The following DARS2 variants were observed in gnomAD, a reference collection of about 807,000 sequenced individuals.
DARS2 encodes aspartate--tRNA ligase, mitochondrial.
DARS2 carries 63 observed loss-of-function variants against 83.0 expected under a neutral mutation model. That is an observed-to-expected ratio of 0.76 (90% CI 0.62 to 0.94). DARS2 has a LOEUF of 0.94. Ranked by LOEUF, DARS2 falls within the 40% of genes least tolerant of loss-of-function variation. The pLI is 0.00. For synonymous variants in DARS2, 250 were observed against 269.3 expected (o/e 0.93, Z 0.70); for missense variants, 675 against 774.4 (o/e 0.87, Z 1.52).
chr1:173,847,944 C>T (rs1039742104), intron 12 of DARS2, among the ~76,000 whole-genome samples: 2 of 151,280 alleles, frequency 1.3e-5, no homozygotes, highest in Non-Finnish European at 2.9e-5. Context: ...GCTCCGCCTC[C>T]CAGGTTCACG....
chr1:173,853,775 A>C lies in DARS2; in HGVS notation c.1564-20A>C, dbSNP rs778077469. The C allele has an allele frequency of 1.9e-6, 3 of 1,603,614 alleles. No individual in the cohort carries two copies. In the Admixed American group the frequency reaches 5.0e-5, roughly 27 times the overall value. ...AAACCAGACATTTTCTCTAACATAA[A>C]GTATCTGTGAATCTTCTAGGCCCGT... is the stretch of plus-strand genomic sequence containing the variant. On this transcript the variant is annotated intron_variant, in intron 14 of 16. Transcript: ENST00000649689.
In DARS2 at chr1:173,851,787, A is replaced by G. The variant is rs1653678889; in HGVS notation, c.1344+1308A>G. The G allele has an allele frequency of 4.1e-6, 4 of 970,230 alleles. No individual in the cohort carries two copies. The South Asian group carries it at 1.9e-4, about 46-fold the overall frequency. The allele number at this position is 970,230 out of a possible 1,614,324, so 60.1% of individuals were successfully genotyped here. On this transcript the variant is annotated intron_variant, in intron 13 of 16. Transcript: ENST00000649689. ...AGTGTGTCTAACTAGTACTTCATCA[A>G]GTTCTTTCTTCTAATCTATATTTTC... is the stretch of plus-strand genomic sequence containing the variant.
chr1:173,828,264 T>A (rs1652659964), intron 2 of DARS2, 69 bp from the exon 3 acceptor site: 1 of 1,476,376 alleles, frequency 6.8e-7, no homozygotes, highest in Non-Finnish European at 9.4e-7. Context: ...CTTTTTATTT[T>A]GTATGCTTCA....
At chr1:173,827,559 A>G (rs1652631342) in intron 2 of DARS2, among the ~76,000 whole-genome samples, 1 of 152,128 alleles carries the variant, frequency 6.6e-6, no homozygotes, top group South Asian at 2.1e-4. Context: ...TGAACCCAGA[A>G]GGCAGAGGTT....
intron 11 of DARS2, among the ~76,000 whole-genome samples, chr1:173,841,507 T>C (rs996674928): frequency 6.6e-6 from 1 of 152,076 alleles, no homozygotes; most frequent in Non-Finnish European, 1.5e-5. Context: ...TTCTTTTTTT[T>C]CCCCCCTTTT....
chr1:173,857,700 C>T lies in DARS2; in HGVS notation c.1933C>T (p.His645Tyr), dbSNP rs1275809192. ...KPTDSKAERAH is the reference protein window; with the variant it reads ...KPTDSKAERAY The stretch of plus-strand genomic sequence containing the variant: ...AACAGACTCCAAAGCAGAAAGAGCT[C>T]ATTGAATCATGCATACCATGCAGAA... The change falls in exon 17 of 17, where the codon CAT (histidine) becomes TAT (tyrosine). Residue 645 changes from histidine (H) to tyrosine (Y), a missense_variant. By Grantham distance (83) the His-to-Tyr change is moderately conservative. Transcript: ENST00000649689. 1.2e-6 allele frequency: 2 copies of T among 1,614,000 alleles called. No individual in the cohort carries two copies. Among genetic ancestry groups the T allele is most frequent in the Non-Finnish European group, 1.7e-6 (2 of 1,180,006 alleles).
chr1:173,830,838 CAT>C, intron 4 of DARS2, 77 bp downstream of exon 4: 3 of 1,035,116 alleles, frequency 2.9e-6, no homozygotes, highest in Non-Finnish European at 4.6e-6. Flanking sequence ...TCTGGCAACA[CAT>C]GACTGGACAT....
At chr1:173,848,014 G>A (rs529424928) in intron 12 of DARS2, among the ~76,000 whole-genome samples, 6 of 152,004 alleles carry the variant, frequency 3.9e-5, no homozygotes, top group African/African-American at 1.4e-4. Flanking sequence ...GACCACGCCC[G>A]GCTAATTTTT....
chr1:173,840,723 C>T lies in DARS2; in HGVS notation c.1021-143C>T, dbSNP rs192923257. 2,094 of 650,424 alleles carry T rather than the reference C, an allele frequency of 3.2e-3. 11 individuals carry two copies. Among genetic ancestry groups the T allele is most frequent in the Non-Finnish European group, 5.0e-3 (1,832 of 363,636 alleles). The allele number at this position is 650,424 out of a possible 1,614,324, so 40.3% of individuals were successfully genotyped here. On this transcript the variant is annotated intron_variant, in intron 10 of 16. Transcript: ENST00000649689. ...GTAAAACACTGGTCATATTGCTTAA[C>T]CCATGGTAAACACTCTTTGAATGTA...
Position 173,838,232 on chromosome 1 carries a change from A to C in DARS2, c.813A>C (p.Arg271Ser). 1 of 1,613,764 alleles carries C rather than the reference A, an allele frequency of 6.2e-7. No individual in the cohort carries two copies. Among genetic ancestry groups the C allele is most frequent in the South Asian group, 1.1e-5 (1 of 91,078 alleles). Residue 271 changes from arginine to serine, a missense_variant, in exon 9 of 17, where the codon AGA (arginine) becomes AGC (serine). By Grantham distance (110) the Arg-to-Ser change is moderately radical (BLOSUM62 -1). Coordinates refer to ENST00000649689, the MANE Select transcript of DARS2 (RefSeq NM_018122.5). ...GATGTTATCGAGATGAAGGTTCAAG[A>C]CCAGACAGACAGCCTGAGTTTACTC... Reference protein sequence around the residue: ...VARCYRDEGSRPDRQPEFTQI... With the variant: ...VARCYRDEGSSPDRQPEFTQI...
intron 12 of DARS2, among the ~76,000 whole-genome samples, chr1:173,850,106 C>T (rs535509024): frequency 6.6e-6 from 1 of 151,866 alleles, no homozygotes; most frequent in Admixed American, 6.6e-5. Flanking sequence ...CCCACCTCAG[C>T]CTCCCAAAGT....
rs1400745895 is a variant in DARS2, at chr1:173,857,501, T to C, written c.1751-17T>C. The C allele has an allele frequency of 6.2e-7, 1 of 1,611,046 alleles. No individual in the cohort carries two copies. Among genetic ancestry groups the C allele is most frequent in the African/African-American group, 1.3e-5 (1 of 74,878 alleles). On this transcript the variant is annotated splice_polypyrimidine_tract_variant and intron_variant, in intron 16 of 16. Coordinates refer to ENST00000649689, the MANE Select transcript of DARS2 (RefSeq NM_018122.5). ...AGATTACATTTCTCATCTGTTATCT[T>C]TGTATTTTACTCACAGGGTTAGACA...
At chr1:173,827,391 A>G (rs1652621540) in intron 2 of DARS2, among the ~76,000 whole-genome samples, 2 of 152,166 alleles carry the variant, frequency 1.3e-5, no homozygotes, top group African/African-American at 4.8e-5. Flanking sequence ...GCACTTTGGG[A>G]GGCCGAGGCG....
At chr1:173,834,744 T>TCA (rs60713728) in intron 7 of DARS2, among the ~76,000 whole-genome samples, 58 of 127,758 alleles carry the variant, frequency 4.5e-4, no homozygotes, top group African/African-American at 2.0e-3. Flanking sequence ...TTTTTTTTTT[T>TCA]TTTTTTTTTT....
chr1:173,838,817 C>T (rs1653103471), intron 9 of DARS2, among the ~76,000 whole-genome samples: 1 of 152,060 alleles, frequency 6.6e-6, no homozygotes, highest in South Asian at 2.1e-4. Context: ...CTCATTGCTG[C>T]CTCTGCCTCT....
In DARS2 at chr1:173,834,533, T is replaced by C. The variant is rs1652905489; in HGVS notation, c.663+14T>C. On this transcript the variant is annotated intron_variant, in intron 7 of 16. Coordinates refer to ENST00000649689, the MANE Select transcript of DARS2 (RefSeq NM_018122.5). Reference sequence around the variant, plus strand: ...AGGACCCCAGGGGTATGTATATTCCTTCAATCAGTCTATTAATAATGTCCT... The same window carrying C: ...AGGACCCCAGGGGTATGTATATTCCCTCAATCAGTCTATTAATAATGTCCT... 2 of 1,585,340 alleles carry C rather than the reference T, an allele frequency of 1.3e-6. No homozygotes were observed. The highest frequency in any genetic ancestry group is 1.3e-5 in the African/African-American group (1 of 74,362).
At chr1:173,829,913 A>C (rs1652731370) in intron 3 of DARS2, among the ~76,000 whole-genome samples, 2 of 151,832 alleles carry the variant, frequency 1.3e-5, no homozygotes, top group South Asian at 4.2e-4. Context: ...ATCTCAAAAA[A>C]ATAATAATAA....
In DARS2 at chr1:173,853,415, C is replaced by T; in HGVS notation, c.1411C>T (p.Arg471Cys). ...DLLETRGVVL[R>C]DPTLFSFLWV... ...TCTAGAAACAAGAGGAGTGGTGCTCCGTGACCCCACTCTGTTCTCTTTCCT... is the reference window on the plus strand; with the variant it reads ...TCTAGAAACAAGAGGAGTGGTGCTCTGTGACCCCACTCTGTTCTCTTTCCT... Residue 471 changes from arginine to cysteine, a missense_variant, in exon 14 of 17, where the codon CGT becomes TGT. Coordinates refer to ENST00000649689, the MANE Select transcript of DARS2 (RefSeq NM_018122.5). 7 of 1,614,002 alleles carry T rather than the reference C, an allele frequency of 4.3e-6. No homozygotes were observed. Among genetic ancestry groups the T allele is most frequent in the South Asian group, 1.1e-5 (1 of 91,074 alleles).
chr1:173,843,283 A>G (rs1159170727), intron 11 of DARS2, among the ~76,000 whole-genome samples: 1 of 152,140 alleles, frequency 6.6e-6, no homozygotes, highest in Non-Finnish European at 1.5e-5. Context: ...AATAAGGGCC[A>G]AGCGTGGTGG....
Sources: gnomAD v4.1 joint callset for allele counts (sites outside exome capture counted in the v4.1 genomes callset) on GRCh38, gnomAD v4.1.1 for gene constraint, MANE v1.5 for transcripts, NCBI Gene and HGNC (gene_info 2026-07-23, HGNC 2026-07-21) for gene names.